ATP11A: variants seen among roughly 807,000 people sequenced by gnomAD.
The protein encoded by ATP11A is ATPase phospholipid transporting 11A.
In ATP11A, 81 loss-of-function variants were observed where a neutral mutation model predicts 154.4. The observed-to-expected ratio is 0.52, with a 90% CI of 0.44 to 0.63. The LOEUF (loss-of-function observed/expected upper bound fraction) is 0.63, where lower values mean the gene tolerates loss of function less well. Among genes scored for constraint, ATP11A ranks in the 30% least tolerant of loss-of-function variants. The probability of loss-of-function intolerance (pLI) is 0.00; values close to 1 mark genes in which losing one functional copy is unlikely to be tolerated. For missense variants in ATP11A, 1,316 were observed against 1,474.3 expected, an observed-to-expected ratio of 0.89 and a Z score of 1.76; for synonymous variants, 623 against 585.9, an observed-to-expected ratio of 1.06 and a Z score of -0.91.
chr13:112,832,028 ACT>A (rs150004296), intron 13 of ATP11A, among the ~76,000 whole-genome samples: 3,661 of 151,598 alleles, frequency 0.024, 50 homozygotes, highest in Middle Eastern at 0.058. Flanking sequence ...ATGCAGACAC[ACT>A]CTCACACACT....
chr13:112,878,070 C>G lies in ATP11A; in HGVS notation c.3328-147C>G, dbSNP rs557607147. 4 of 729,396 alleles carry G rather than the reference C, an allele frequency of 5.5e-6. No homozygotes were observed. In the African/African-American group the frequency reaches 6.9e-5, roughly 13 times the overall value. The allele number at this position is 729,396 out of a possible 1,614,324, so 45.2% of individuals were successfully genotyped here. On this transcript the variant is annotated intron_variant, in intron 28 of 29. Transcript: ENST00000375645. ...CGCCCAGAGTGACCAGAAGAACTTG[C>G]ACGTGGTGGCGAGCCTCTGACTAAC...
In ATP11A at chr13:112,882,230, G is replaced by A. The variant is rs1238103169; in HGVS notation, c.*364G>A. On this transcript the variant is annotated 3_prime_UTR_variant, in exon 30 of 30. Transcript: ENST00000375645. This position sits in a 1 kb window ranked among gnomAD's most constrained non-coding sequence, Gnocchi z 5.1. ...GTGGCCTCTGGGCATTCGGCTCAAC[G>A]CAGGAGGGACATTCTGCTGGCCCAC... The A allele has an allele frequency of 1.4e-5, 12 of 867,386 alleles. No homozygotes were observed. The East Asian group carries it at 5.9e-4, about 42-fold the overall frequency. The allele number at this position is 867,386 out of a possible 1,614,324, so 53.7% of individuals were successfully genotyped here. A position where few individuals can be genotyped will look rare whatever the true frequency, so the allele number is the denominator to read the frequency against.
chr13:112,762,652 C>T (rs996682481), intron 1 of ATP11A, among the ~76,000 whole-genome samples: 1 of 152,226 alleles, frequency 6.6e-6, no homozygotes, highest in South Asian at 2.1e-4. Context: ...TTCCCCTTAA[C>T]TCCCATGTCC....
chr13:112,842,165 C>T lies in ATP11A; in HGVS notation c.1706-111C>T. 7 of 834,600 alleles carry T rather than the reference C, an allele frequency of 8.4e-6. No homozygotes were observed. The South Asian group carries it at 1.2e-4, about 14-fold the overall frequency. The allele number at this position is 834,600 out of a possible 1,614,324, so 51.7% of individuals were successfully genotyped here. On this transcript the variant is annotated intron_variant, in intron 16 of 29. Coordinates refer to ENST00000375645, the MANE Select transcript of ATP11A (RefSeq NM_015205.3). ...CTGGTCCATTAAAATCTTTAAAAAG[C>T]TTTCCACACTGCTATCCCTGTTTTT...
chr13:112,832,341 A>G (rs2079117718), intron 13 of ATP11A, among the ~76,000 whole-genome samples: 1 of 152,228 alleles, frequency 6.6e-6, no homozygotes, highest in South Asian at 2.1e-4. Context: ...CTGCAGGCGC[A>G]GGATAATAGC....
In ATP11A at chr13:112,780,665, A is replaced by C. The variant is rs560100253; in HGVS notation, c.40-4470A>C. Among the ~76,000 whole-genome samples, 20 of 152,266 alleles carry C rather than the reference A, an allele frequency of 1.3e-4. No individual in the cohort carries two copies. The South Asian group carries it at 3.3e-3, about 25-fold the overall frequency. On this transcript the variant is annotated intron_variant, in intron 1 of 29. Coordinates refer to ENST00000375645, the MANE Select transcript of ATP11A (RefSeq NM_015205.3). ...GTCGGTTTGTGTCCTATGGTCAGTCACATCAGCACAGGGTAGATTTTTACT... is the reference window on the plus strand; with the variant it reads ...GTCGGTTTGTGTCCTATGGTCAGTCCCATCAGCACAGGGTAGATTTTTACT...
rs1389962724 is a variant in ATP11A, at chr13:112,882,993, C to T, written c.*1127C>T. On this transcript the variant is annotated 3_prime_UTR_variant, in exon 30 of 30. Transcript: ENST00000375645. This position sits in a 1 kb window ranked among gnomAD's most constrained non-coding sequence, Gnocchi z 5.1. ...CTGCAGCTCCGCCCGCCGGGCTCTG[C>T]GTCCCCACGTCCCCTCGTCCCATCC... 1.8e-5 allele frequency: 7 copies of T among 399,056 alleles called. No individual in the cohort carries two copies. Among genetic ancestry groups the T allele is most frequent in the East Asian group, 7.1e-5 (2 of 28,032 alleles). 24.7% of individuals were successfully genotyped at this position (399,056 alleles called of 1,614,324 possible).
chr13:112,755,188 A>G (rs1177641874), intron 1 of ATP11A, among the ~76,000 whole-genome samples: 1 of 152,178 alleles, frequency 6.6e-6, no homozygotes, highest in African/African-American at 2.4e-5. Flanking sequence ...ACGTAAAAGC[A>G]TTCTCAGTTC....
intron 7 of ATP11A, 132 bp from the exon 8 acceptor site, chr13:112,819,768 G>A (rs1040270453): frequency 3.4e-6 from 3 of 871,376 alleles, no homozygotes; most frequent in African/African-American, 1.7e-5. Context: ...GGGCTGGAGC[G>A]GGGCTGCTTT....
intron 2 of ATP11A, among the ~76,000 whole-genome samples, chr13:112,791,126 C>T (rs969838413): frequency 1.3e-5 from 2 of 152,214 alleles, no homozygotes; most frequent in Non-Finnish European, 2.9e-5. Flanking sequence ...CATCCCCCAC[C>T]CTCCAGCCCA....
intron 1 of ATP11A, among the ~76,000 whole-genome samples, chr13:112,736,769 T>G (rs1891042921): frequency 6.6e-6 from 1 of 152,196 alleles, no homozygotes; most frequent in Non-Finnish European, 1.5e-5. Flanking sequence ...TAAACTTACA[T>G]TGAGACTAAA....
intron 1 of ATP11A, among the ~76,000 whole-genome samples, chr13:112,771,529 T>C (rs2077225273): frequency 6.6e-6 from 1 of 152,242 alleles, no homozygotes; most frequent in Non-Finnish European, 1.5e-5. Flanking sequence ...GTTTCTCTTT[T>C]CTTAGGCATA....
chr13:112,693,434 G>A (rs983095177), intron 1 of ATP11A, among the ~76,000 whole-genome samples: 2 of 151,578 alleles, frequency 1.3e-5, no homozygotes, highest in Non-Finnish European at 2.9e-5. Flanking sequence ...GGTGGTGTAT[G>A]CTCTCTGGGG....
At chr13:112,744,107 T>G (rs930271438) in intron 1 of ATP11A, among the ~76,000 whole-genome samples, 1 of 152,238 alleles carries the variant, frequency 6.6e-6, no homozygotes, top group Non-Finnish European at 1.5e-5. Flanking sequence ...AAGGAAGGCT[T>G]CCTCTTCACG....
intron 1 of ATP11A, among the ~76,000 whole-genome samples, chr13:112,714,424 G>T (rs955484330): frequency 3.3e-5 from 5 of 152,112 alleles, no homozygotes; most frequent in African/African-American, 1.2e-4. Flanking sequence ...TCGTCAGGGA[G>T]CGGTGTGGAG....
rs1199228431 is a variant in ATP11A, at chr13:112,857,860, T to C, written c.2461T>C (p.Leu821=). 3.1e-6 allele frequency: 5 copies of C among 1,614,102 alleles called. No homozygotes were observed. The highest frequency in any genetic ancestry group is 4.2e-6 in the Non-Finnish European group (5 of 1,180,034). ...IKFSKEHPIT[L]AIGDGANDVS... is the part of the protein sequence containing the mutation. ...ATTTTCAAAAGAGCACCCAATCACG[T>C]TAGCAATTGGCGATGGTGCAAATGA... The change falls in exon 21 of 30, where the codon TTA becomes CTA. Residue 821 remains leucine, a synonymous_variant. Coordinates refer to ENST00000375645, the MANE Select transcript of ATP11A (RefSeq NM_015205.3).
chr13:112,856,841 CTG>C lies in ATP11A; in HGVS notation c.2418+757_2418+758del, dbSNP rs1384034787. On this transcript the variant is annotated intron_variant, in intron 20 of 29. Transcript: ENST00000375645. ...AGGTAAAATGCGTCTCACACAAACT[CTG>C]GAAACCAAGGAGGTGAAAAGTTGAG... 3.3e-5 allele frequency: 5 copies of C among 152,202 alleles called. No homozygotes were observed. In the South Asian group the frequency reaches 1.0e-3, roughly 32 times the overall value. 9.4% of individuals were successfully genotyped at this position (152,202 alleles called of 1,614,324 possible).
At position 112,695,362 on chromosome 13, in the gene ATP11A, A is replaced by T. The variant is rs1039906445; in HGVS notation, c.39+4907A>T. Among the ~76,000 whole-genome samples, 11 of 152,252 alleles carry T rather than the reference A, an allele frequency of 7.2e-5. 1 individual carries two copies. Among genetic ancestry groups the T allele is most frequent in the Admixed American group, 2.0e-4 (3 of 15,286 alleles). ...TTTAACCAGGCAGCTCATCACACGA[A>T]TTCACCAAGCACCCTTCTTGTCTTC... On this transcript the variant is annotated intron_variant, in intron 1 of 29. Coordinates refer to ENST00000375645, the MANE Select transcript of ATP11A (RefSeq NM_015205.3).
Position 112,858,293 on chromosome 13 carries a change from A to G in ATP11A, c.2667+3A>G. ...TCGTGCAGTACTTCTTCTATAAGGTAGGAGGGTCGCCGCTCCCCCTCACGG... is the reference window on the plus strand; with the variant it reads ...TCGTGCAGTACTTCTTCTATAAGGTGGGAGGGTCGCCGCTCCCCCTCACGG... On this transcript the variant is annotated splice_donor_region_variant and intron_variant, in intron 22 of 29. Transcript: ENST00000375645. 6.2e-7 allele frequency: 1 copy of G among 1,608,860 alleles called. No individual in the cohort carries two copies. The highest frequency in any genetic ancestry group is 8.5e-7 in the Non-Finnish European group (1 of 1,176,540).
Sources: allele counts gnomAD v4.1 joint callset (sites outside exome capture counted in the v4.1 genomes callset), GRCh38; gene constraint gnomAD v4.1.1; non-coding constraint Gnocchi (gnomAD v3.1); transcripts MANE v1.5; gene names NCBI Gene and HGNC (gene_info 2026-07-23, HGNC 2026-07-21).